TOX: variants seen among roughly 807,000 people sequenced by gnomAD.
The protein encoded by TOX is thymocyte selection associated high mobility group box.
A neutral mutation model predicts 53.7 loss-of-function variants in TOX; 11 were observed. That is an observed-to-expected ratio of 0.20 (90% CI 0.13 to 0.34). The LOEUF is 0.34. Among genes scored for constraint, TOX ranks in the 10% least tolerant of loss-of-function variants. The pLI is 1.00. For synonymous variants in TOX, 225 were observed against 245.3 expected (o/e 0.92, Z 0.77); for missense variants, 570 against 664.6 (o/e 0.86, Z 1.56).
rs952821748 is a variant in TOX, at chr8:59,058,089, A to C, written c.102+60797T>G. Among the ~76,000 whole-genome samples, 5 of 152,228 alleles carry C rather than the reference A, an allele frequency of 3.3e-5. No individual in the cohort carries two copies. In the East Asian group the frequency reaches 7.7e-4, roughly 23 times the overall value. ...TTTTTGTTTAGACAATGGTTTACTTATTATTTGAAAGCTTAAAGAAAAAAA... is the reference window on the plus strand; with the variant it reads ...TTTTTGTTTAGACAATGGTTTACTTCTTATTTGAAAGCTTAAAGAAAAAAA... On this transcript the variant is annotated intron_variant, in intron 1 of 8. Transcript: ENST00000361421.
At chr8:58,967,725 A>G (rs578091863) in intron 1 of TOX, among the ~76,000 whole-genome samples, 1 of 152,278 alleles carries the variant, frequency 6.6e-6, no homozygotes, top group East Asian at 1.9e-4. Flanking sequence ...AGTTGTTGCA[A>G]AGCTATGGCC....
intron 1 of TOX, among the ~76,000 whole-genome samples, chr8:58,964,516 C>T (rs2129178948): frequency 6.6e-6 from 1 of 152,276 alleles, no homozygotes; most frequent in Non-Finnish European, 1.5e-5. Flanking sequence ...CAGCAGGCCT[C>T]CTGCTGACCC....
At chr8:58,907,857 G>A (rs1811844038) in intron 3 of TOX, among the ~76,000 whole-genome samples, 1 of 152,188 alleles carries the variant, frequency 6.6e-6, no homozygotes, top group Non-Finnish European at 1.5e-5. Context: ...CCTATATGAG[G>A]CAAGTAATCT....
At chr8:59,011,471 C>CCTAA (rs1813903080) in intron 1 of TOX, among the ~76,000 whole-genome samples, 1 of 152,168 alleles carries the variant, frequency 6.6e-6, no homozygotes, top group South Asian at 2.1e-4. Flanking sequence ...TTGAGAGAGG[C>CCTAA]CTAAGCCTCC....
At chr8:59,107,046 T>TGCTG (rs35882293) in intron 1 of TOX, among the ~76,000 whole-genome samples, 1 of 58,206 alleles carries the variant, frequency 1.7e-5, no homozygotes. Flanking sequence ...AGCAGTTTGC[T>TGCTG]GGGGGGGGGG....
At chr8:58,928,119 T>C (rs566384793) in intron 3 of TOX, among the ~76,000 whole-genome samples, 1 of 152,342 alleles carries the variant, frequency 6.6e-6, no homozygotes, top group African/African-American at 2.4e-5. Flanking sequence ...GTTCCTGGGT[T>C]CTATCATTCA....
At chr8:58,876,813 G>A (rs1811293779) in intron 3 of TOX, among the ~76,000 whole-genome samples, 1 of 152,132 alleles carries the variant, frequency 6.6e-6, no homozygotes, top group African/African-American at 2.4e-5. Flanking sequence ...GCACTCTGCT[G>A]GTGGAAGGAA....
chr8:58,820,345 G>T lies in TOX; in HGVS notation c.1006-4621C>A, dbSNP rs138065821. Reference sequence around the variant, plus strand: ...ACTTCATGAACTATTCCTTAAGGTAGAAACAAAATCTTATATTTGATGTTA... The same window carrying T: ...ACTTCATGAACTATTCCTTAAGGTATAAACAAAATCTTATATTTGATGTTA... On this transcript the variant is annotated intron_variant, in intron 6 of 8. Transcript: ENST00000361421. 6.5e-3 allele frequency among the ~76,000 whole-genome samples: 984 copies of T among 151,750 alleles called. 14 individuals are homozygous for T. The highest frequency in any genetic ancestry group is 0.023 in the African/African-American group (939 of 41,362).
chr8:59,060,847 G>A (rs1803972308), intron 1 of TOX, among the ~76,000 whole-genome samples: 1 of 152,132 alleles, frequency 6.6e-6, no homozygotes, highest in African/African-American at 2.4e-5. Flanking sequence ...ACTTGCCACT[G>A]TATCTTGTTG....
chr8:59,083,499 A>G (rs1362473927), intron 1 of TOX, among the ~76,000 whole-genome samples: 1 of 152,332 alleles, frequency 6.6e-6, no homozygotes, highest in Admixed American at 6.5e-5. Flanking sequence ...CAACACCACA[A>G]GGAGCATTTA....
chr8:58,845,672 G>C (rs1311135490), intron 4 of TOX, among the ~76,000 whole-genome samples: 1 of 152,066 alleles, frequency 6.6e-6, no homozygotes, highest in Non-Finnish European at 1.5e-5. Flanking sequence ...GTCATAGTTT[G>C]TAAAGCAATT....
chr8:58,893,671 G>T (rs1167277687), intron 3 of TOX, among the ~76,000 whole-genome samples: 1 of 152,128 alleles, frequency 6.6e-6, no homozygotes. Context: ...CCTTTGGTGG[G>T]TTTTCTTTCC....
intron 3 of TOX, among the ~76,000 whole-genome samples, chr8:58,910,400 T>C (rs571537682): frequency 6.6e-6 from 1 of 152,286 alleles, no homozygotes; most frequent in African/African-American, 2.4e-5. Context: ...TTGGGAACTA[T>C]TGGAGTTCAA....
At chr8:58,962,834 A>C (rs905044975) in intron 1 of TOX, among the ~76,000 whole-genome samples, 1 of 152,136 alleles carries the variant, frequency 6.6e-6, no homozygotes, top group Non-Finnish European at 1.5e-5. Context: ...CTGGCAGAAA[A>C]CTGAGAGAGG....
chr8:58,927,083 G>A (rs1247676935), intron 3 of TOX, among the ~76,000 whole-genome samples: 5 of 150,950 alleles, frequency 3.3e-5, no homozygotes, highest in Admixed American at 6.6e-5. Context: ...AAGGAAACAG[G>A]CTCAGAGAAA....
At chr8:58,848,474 A>G (rs1810755856) in intron 4 of TOX, among the ~76,000 whole-genome samples, 1 of 152,138 alleles carries the variant, frequency 6.6e-6, no homozygotes, top group Non-Finnish European at 1.5e-5. Context: ...ACACTCAGAT[A>G]AAACATGGAT....
intron 3 of TOX, among the ~76,000 whole-genome samples, chr8:58,915,434 A>T (rs965976796): frequency 9.8e-6 from 1 of 102,166 alleles, no homozygotes; most frequent in Admixed American, 1.0e-4. Flanking sequence ...ACCCCCCAGC[A>T]GGGGCACACT....
In TOX at chr8:58,807,015, G is replaced by A. The variant is rs940164065; in HGVS notation, c.*732C>T. On this transcript the variant is annotated 3_prime_UTR_variant, in exon 9 of 9. Coordinates refer to ENST00000361421, the MANE Select transcript of TOX (RefSeq NM_014729.3). The stretch of plus-strand genomic sequence containing the variant: ...ATTTACTAACCATTACACAAAAAGT[G>A]ATACAAAAAAGCAATTTTTCTGCAG... 2.6e-5 allele frequency: 4 copies of A among 152,646 alleles called. No individual in the cohort carries two copies. The highest frequency in any genetic ancestry group is 2.1e-4 in the South Asian group (1 of 4,822). 9.5% of individuals were successfully genotyped at this position (152,646 alleles called of 1,614,324 possible). A position where few individuals can be genotyped will look rare whatever the true frequency, so the allele number is the denominator to read the frequency against.
At chr8:59,032,973 G>A (rs1814386349) in intron 1 of TOX, among the ~76,000 whole-genome samples, 1 of 150,894 alleles carries the variant, frequency 6.6e-6, no homozygotes, top group South Asian at 2.1e-4. Flanking sequence ...AGAGATTGTT[G>A]CAGTGAGCCA....
Sources: allele counts gnomAD v4.1 joint callset (sites outside exome capture counted in the v4.1 genomes callset), GRCh38; gene constraint gnomAD v4.1.1; transcripts MANE v1.5; gene names NCBI Gene and HGNC (gene_info 2026-07-23, HGNC 2026-07-21).